RAB38: variants seen among roughly 807,000 people sequenced by gnomAD.
The protein encoded by RAB38 is RAB38, member RAS oncogene family, also known as ras-related protein Rab-38.
A neutral mutation model predicts 18.4 loss-of-function variants in RAB38; 15 were observed. The ratio of observed to expected loss-of-function variants is 0.82; its 90% CI spans 0.55 to 1.26. RAB38 has a LOEUF of 1.26. RAB38 is among the 50% of genes most tolerant of loss of function. The pLI is 0.00. For missense variants in RAB38, 294 were observed against 267.4 expected (o/e 1.10, Z -0.69); for synonymous variants, 101 against 104.4 (o/e 0.97, Z 0.20).
At chr11:87,952,083 T>C in the RAB38 span, among the ~76,000 whole-genome samples, 1 of 152,148 alleles carries the variant, frequency 6.6e-6, no homozygotes, top group African/African-American at 2.4e-5. Context: ...GAGGAAGCAG[T>C]GGGTAAGGTC....
chr11:87,870,648 C>T, the RAB38 span, among the ~76,000 whole-genome samples: 3 of 151,452 alleles, frequency 2.0e-5, no homozygotes, highest in East Asian at 2.0e-4. Context: ...TAAGAAGATG[C>T]CCACATAAAT....
At chr11:87,974,183 T>C in the RAB38 span, among the ~76,000 whole-genome samples, 1 of 150,872 alleles carries the variant, frequency 6.6e-6, no homozygotes, top group Non-Finnish European at 1.5e-5. Context: ...GTTATTAGAA[T>C]TTGCAGAAAA....
At chr11:88,107,683 C>G in the RAB38 span, among the ~76,000 whole-genome samples, 1 of 152,034 alleles carries the variant, frequency 6.6e-6, no homozygotes, top group African/African-American at 2.4e-5. Context: ...TTTGTTGCTG[C>G]TTCTCTAGTT....
the RAB38 span, among the ~76,000 whole-genome samples, chr11:88,029,555 A>C: frequency 6.6e-6 from 1 of 152,164 alleles, no homozygotes. Flanking sequence ...CAAATGGAAA[A>C]CAAAAAAAGG....
the RAB38 span, among the ~76,000 whole-genome samples, chr11:87,898,984 A>G: frequency 1.3e-5 from 2 of 151,654 alleles, no homozygotes; most frequent in African/African-American, 4.8e-5. Flanking sequence ...AAATACTCTC[A>G]GGAGTAGTGC....
chr11:88,099,061 T>C, the RAB38 span, among the ~76,000 whole-genome samples: 74 of 152,114 alleles, frequency 4.9e-4, 1 homozygote, highest in African/African-American at 1.8e-3. Context: ...TAAAAATGTG[T>C]TCTTATATGT....
chr11:87,832,412 T>C, the RAB38 span, among the ~76,000 whole-genome samples: 3 of 152,290 alleles, frequency 2.0e-5, no homozygotes, highest in African/African-American at 7.2e-5. Context: ...TGCTCCTGGT[T>C]TCACAAGACA....
intron 2 of RAB38, among the ~76,000 whole-genome samples, chr11:88,122,142 T>C (rs1591156095): frequency 6.6e-6 from 1 of 152,294 alleles, no homozygotes; most frequent in East Asian, 1.9e-4. Flanking sequence ...CCCCATAACC[T>C]TAATACGAGG....
At chr11:88,119,317 T>C (rs1312706215) in intron 2 of RAB38, among the ~76,000 whole-genome samples, 1 of 152,144 alleles carries the variant, frequency 6.6e-6, no homozygotes, top group African/African-American at 2.4e-5. Context: ...AACCTGCACA[T>C]GTACCCCTGT....
chr11:87,917,628 C>A, the RAB38 span, among the ~76,000 whole-genome samples: 1 of 144,966 alleles, frequency 6.9e-6, no homozygotes, highest in Non-Finnish European at 1.5e-5. Flanking sequence ...CTATTGTTAT[C>A]GGCACCAACA....
the RAB38 span, among the ~76,000 whole-genome samples, chr11:87,848,487 CTGTT>C: frequency 8.9e-4 from 134 of 151,326 alleles, 1 homozygote; most frequent in African/African-American, 3.2e-3. Flanking sequence ...TCAAAATAAT[CTGTT>C]TGATAATTTA....
intron 2 of RAB38, among the ~76,000 whole-genome samples, chr11:88,142,249 T>C (rs1942924232): frequency 6.6e-6 from 1 of 152,242 alleles, no homozygotes; most frequent in Non-Finnish European, 1.5e-5. Context: ...CAAGGCTGCA[T>C]GCATGGCTTT....
At chr11:88,076,965 AAAAAAAAAAAG>A in the RAB38 span, among the ~76,000 whole-genome samples, 2 of 114,610 alleles carry the variant, frequency 1.7e-5, no homozygotes, top group Non-Finnish European at 3.4e-5. Context: ...TCAAAAAAAA[AAAAAAAAAAAG>A]AAAGAAAGAA....
chr11:87,825,631 C>A, the RAB38 span, among the ~76,000 whole-genome samples: 1 of 152,078 alleles, frequency 6.6e-6, no homozygotes. Context: ...ATTGAAGAAT[C>A]TGGGGTTAGG....
chr11:87,953,076 C>T, the RAB38 span, among the ~76,000 whole-genome samples: 1 of 141,906 alleles, frequency 7.0e-6, no homozygotes, highest in African/African-American at 2.5e-5. Flanking sequence ...TTTATTTACA[C>T]AGACTCCTGA....
chr11:87,926,205 T>A, the RAB38 span, among the ~76,000 whole-genome samples: 2 of 152,136 alleles, frequency 1.3e-5, no homozygotes, highest in African/African-American at 4.8e-5. Context: ...CTTATGATTT[T>A]ACCCTCAGGT....
chr11:87,893,338 C>T, the RAB38 span, among the ~76,000 whole-genome samples: 1 of 123,466 alleles, frequency 8.1e-6, no homozygotes, highest in Non-Finnish European at 1.7e-5. Context: ...ATATATTTTA[C>T]ACACACACAC....
chr11:88,091,557 ACCG>A, the RAB38 span, among the ~76,000 whole-genome samples: 4 of 151,882 alleles, frequency 2.6e-5, no homozygotes, highest in Non-Finnish European at 5.9e-5. Context: ...CATCCCACAG[ACCG>A]CTGATTGCCA....
At chr11:87,920,432 A>G in the RAB38 span, among the ~76,000 whole-genome samples, 1 of 151,966 alleles carries the variant, frequency 6.6e-6, no homozygotes, top group Admixed American at 6.6e-5. Flanking sequence ...ATTTTCACAT[A>G]TTTGTGACTT....
Sources: gnomAD v4.1 joint callset for allele counts (sites outside exome capture counted in the v4.1 genomes callset) on GRCh38, gnomAD v4.1.1 for gene constraint, MANE v1.5 for transcripts, NCBI Gene and HGNC (gene_info 2026-07-23, HGNC 2026-07-21) for gene names.